The following SDK1 variants were observed in gnomAD, a reference collection of about 807,000 sequenced individuals.
SDK1 encodes sidekick cell adhesion molecule 1.
Under a neutral mutation model 245.5 loss-of-function variants are expected in SDK1, and 157 were observed. That is an observed-to-expected ratio of 0.64 (90% CI 0.56 to 0.73). SDK1 has a LOEUF of 0.73. Among genes scored for constraint, SDK1 ranks in the 30% least tolerant of loss-of-function variants. The probability of loss-of-function intolerance (pLI) is 0.00; values close to 1 mark genes in which losing one functional copy is unlikely to be tolerated. For missense variants in SDK1, 3,583 were observed against 3,002.3 expected (o/e 1.19, Z -4.52); for synonymous variants, 1,647 against 1,278.5 (o/e 1.29, Z -6.15).
rs745701486 is a variant in SDK1 at position 4,120,074 on chromosome 7, G to T, written c.3823+5800G>T. Among the ~76,000 whole-genome samples the T allele has an allele frequency of 1.3e-4, 19 of 148,044 alleles. 3 individuals are homozygous for T. Among genetic ancestry groups the T allele is most frequent in the Non-Finnish European group, 2.4e-4 (16 of 66,436 alleles). The stretch of plus-strand genomic sequence containing the variant: ...AAGAGAATTACCAAATTAAAAGCTA[G>T]ATTTGAGTAAATAACTCTTAAAACA... On this transcript the variant is annotated intron_variant, in intron 25 of 44. Transcript: ENST00000404826.
At chr7:3,460,239 C>T (rs1780791004) in intron 1 of SDK1, among the ~76,000 whole-genome samples, 1 of 152,136 alleles carries the variant, frequency 6.6e-6, no homozygotes. Context: ...TGGGTCACAA[C>T]CTGCTTGCCA....
chr7:4,211,454 G>C (rs1784508486), intron 38 of SDK1, among the ~76,000 whole-genome samples: 1 of 152,096 alleles, frequency 6.6e-6, no homozygotes, highest in African/African-American at 2.4e-5. Flanking sequence ...GGAGGGCTCA[G>C]ATCAGGGGTG....
intron 1 of SDK1, among the ~76,000 whole-genome samples, chr7:3,450,950 A>T (rs1167296823): frequency 3.9e-5 from 6 of 152,164 alleles, no homozygotes; most frequent in African/African-American, 1.4e-4. Context: ...AAAGTTTCAT[A>T]AAGGAAACGA....
intron 9 of SDK1, among the ~76,000 whole-genome samples, chr7:3,966,681 CT>C (rs951618331): frequency 1.4e-3 from 204 of 148,528 alleles, no homozygotes; most frequent in Admixed American, 4.4e-3. Flanking sequence ...CAATAATTAG[CT>C]TTTTTTTTTG....
chr7:4,181,611 C>A (rs997643764), intron 35 of SDK1, among the ~76,000 whole-genome samples: 3 of 152,182 alleles, frequency 2.0e-5, no homozygotes, highest in Non-Finnish European at 4.4e-5. Flanking sequence ...TGCCCTCCTG[C>A]CCCACTCCTC....
chr7:3,663,446 C>G (rs1015896984), intron 4 of SDK1, among the ~76,000 whole-genome samples: 4 of 152,128 alleles, frequency 2.6e-5, no homozygotes, highest in African/African-American at 9.7e-5. Flanking sequence ...CGACTTGGGG[C>G]TTGTTCTCAG....
At chr7:4,051,935 C>G in intron 19 of SDK1, 105 bp downstream of exon 19, 1 of 1,101,476 alleles carries the variant, frequency 9.1e-7, no homozygotes, top group Non-Finnish European at 1.3e-6. Flanking sequence ...CGAGGAGGCC[C>G]CGGATTTTTG....
intron 1 of SDK1, among the ~76,000 whole-genome samples, chr7:3,372,195 G>GTC (rs36101578): frequency 0.015 from 2,251 of 152,278 alleles, 72 homozygotes; most frequent in African/African-American, 0.052. Flanking sequence ...AAGGGAGAGA[G>GTC]TCTGGAGCAG....
At chr7:3,671,794 G>A (rs1464645856) in intron 4 of SDK1, among the ~76,000 whole-genome samples, 1 of 152,238 alleles carries the variant, frequency 6.6e-6, no homozygotes, top group African/African-American at 2.4e-5. Context: ...AGAGCAGGAA[G>A]TGAAATTATA....
At chr7:3,930,675 C>A (rs547729756) in intron 5 of SDK1, among the ~76,000 whole-genome samples, 216 of 152,280 alleles carry the variant, frequency 1.4e-3, no homozygotes, top group African/African-American at 4.8e-3. Flanking sequence ...CACCTGTAAT[C>A]CCAGCTACTT....
rs913047236 is a variant in SDK1, at chr7:3,702,335, G to A, written c.713+60230G>A. ...AAGACGAGACATTTTACTATTGTAC[G>A]TTTTCTTGTGGGAGCAAAGTAAATC... On this transcript the variant is annotated intron_variant, in intron 4 of 44. Coordinates refer to ENST00000404826, the MANE Select transcript of SDK1 (RefSeq NM_152744.4). Among the ~76,000 whole-genome samples the A allele has an allele frequency of 9.9e-5, 15 of 152,234 alleles. 1 individual carries two copies. Among genetic ancestry groups the A allele is most frequent in the South Asian group, 2.1e-4 (1 of 4,826 alleles).
chr7:4,137,289 T>C (rs557797968), intron 28 of SDK1, among the ~76,000 whole-genome samples: 3 of 152,332 alleles, frequency 2.0e-5, no homozygotes, highest in African/African-American at 7.2e-5. Context: ...AGCGAGACTC[T>C]ATCTCAAAGG....
chr7:4,198,006 C>T (rs1387572375), intron 35 of SDK1, among the ~76,000 whole-genome samples: 5 of 152,230 alleles, frequency 3.3e-5, no homozygotes, highest in African/African-American at 1.2e-4. Flanking sequence ...CCAGGACGCA[C>T]AGGCCTGCCC....
rs765061066 is a variant in SDK1 at position 4,149,514 on chromosome 7, C to G, written c.4625+51C>G. 7.1e-6 allele frequency: 9 copies of G among 1,275,670 alleles called. No individual in the cohort carries two copies. In the East Asian group the frequency reaches 2.7e-4, roughly 39 times the overall value. 79.0% of individuals were successfully genotyped at this position (1,275,670 alleles called of 1,614,324 possible). On this transcript the variant is annotated intron_variant, in intron 30 of 44. Coordinates refer to ENST00000404826, the MANE Select transcript of SDK1 (RefSeq NM_152744.4). ...CCGGGGAACGGGGCCCTGGCCGCCT[C>G]CAGCCAGCTCCTGTCCAGATAGTGG...
At chr7:3,376,604 A>G (rs1314454425) in intron 1 of SDK1, among the ~76,000 whole-genome samples, 1 of 152,244 alleles carries the variant, frequency 6.6e-6, no homozygotes, top group African/African-American at 2.4e-5. Context: ...AAAGACCGAC[A>G]AGGTTAAAGA....
At chr7:3,681,345 C>G (rs753587228) in intron 4 of SDK1, among the ~76,000 whole-genome samples, 11 of 151,952 alleles carry the variant, frequency 7.2e-5, no homozygotes, top group African/African-American at 2.2e-4. Context: ...TGTGTACACC[C>G]CAGTGAGTTC....
chr7:3,972,261 A>G lies in SDK1; in HGVS notation c.1817+693A>G, dbSNP rs571222860. On this transcript the variant is annotated intron_variant, in intron 12 of 44. Transcript: ENST00000404826. ...CTCCCGGCTATTTTTTTGTATTTTT[A>G]GTAGAGACGGCGTTTCACCATGTTA... Among the ~76,000 whole-genome samples the G allele has an allele frequency of 2.0e-5, 3 of 151,906 alleles. No homozygotes were observed. In the South Asian group the frequency reaches 6.3e-4, roughly 32 times the overall value.
chr7:4,210,137 G>A lies in SDK1; in HGVS notation c.5514G>A (p.Val1838=), dbSNP rs142301919. The change falls in exon 38 of 45, where the codon GTG becomes GTA. Residue 1838 remains valine (V), a synonymous_variant. Coordinates refer to ENST00000404826, the MANE Select transcript of SDK1 (RefSeq NM_152744.4). ...ANGILQGYRV[V]YEPLAPVQGV... ...GCATCCTGCAGGGCTATCGGGTGGT[G>A]TACGAGCCCTTGGCCCCTGTACAAG... 6.0e-4 allele frequency: 950 copies of A among 1,595,970 alleles called. 1 individual carries two copies. Among genetic ancestry groups the A allele is most frequent in the Admixed American group, 1.4e-3 (80 of 55,910 alleles).
intron 4 of SDK1, among the ~76,000 whole-genome samples, chr7:3,777,875 A>T (rs984834838): frequency 6.6e-6 from 1 of 152,202 alleles, no homozygotes; most frequent in African/African-American, 2.4e-5. Flanking sequence ...GTCAATTACA[A>T]AAGGAGACAT....
Sources: gnomAD v4.1 joint callset for allele counts (sites outside exome capture counted in the v4.1 genomes callset) on GRCh38, gnomAD v4.1.1 for gene constraint, MANE v1.5 for transcripts, NCBI Gene and HGNC (gene_info 2026-07-23, HGNC 2026-07-21) for gene names.